Variants in ABCF2 observed in about 807,000 individuals in gnomAD.
The protein encoded by ABCF2 is ATP binding cassette subfamily F member 2.
In ABCF2, 37 loss-of-function variants were observed where a neutral mutation model predicts 76.9. The ratio of observed to expected loss-of-function variants is 0.48; its 90% CI spans 0.37 to 0.63. The LOEUF (loss-of-function observed/expected upper bound fraction) is 0.63. Among genes scored for constraint, ABCF2 ranks in the 30% least tolerant of loss-of-function variants. The pLI is 0.00. For synonymous variants in ABCF2, 299 were observed against 283.7 expected (o/e 1.05, Z -0.54); for missense variants, 524 against 782.1 (o/e 0.67, Z 3.94).
rs1430812925 is a variant in ABCF2, at chr7:151,218,175, T to C, written c.1244A>G (p.Asn415Ser). ...YTKDGPCIYN[N>S]LEFGIDLDTR... ...GTCAAGGTCAATTCCAAATTCTAGA[T>C]TATTGTAGATGCAAGGCTGAGGTGG... Residue 415 changes from asparagine (N) to serine (S), a missense_variant, in exon 11 of 15, where the codon AAT becomes AGT. Around this residue, in one of 2 missense-constraint regions of ABCF2, gnomAD observed 194 missense variants for 348.6 expected, o/e 0.56. Transcript: ENST00000287844. 2 of 1,612,808 alleles carry C rather than the reference T, an allele frequency of 1.2e-6. No individual in the cohort carries two copies. Among genetic ancestry groups the C allele is most frequent in the Admixed American group, 1.7e-5 (1 of 59,998 alleles).
chr7:151,224,266 C>T, intron 3 of ABCF2, 152 bp from the exon 4 acceptor site: 1 of 781,118 alleles, frequency 1.3e-6, no homozygotes. Flanking sequence ...TTGCCAGCCC[C>T]CATTCTTGGG....
At chr7:151,217,750 A>AT (rs1802179871) in intron 11 of ABCF2, among the ~76,000 whole-genome samples, 1 of 150,960 alleles carries the variant, frequency 6.6e-6, no homozygotes, top group Non-Finnish European at 1.5e-5. Flanking sequence ...CTGAGATCGC[A>AT]CATTGCACTC....
intron 5 of ABCF2, 48 bp from the exon 6 acceptor site, chr7:151,222,664 G>A: frequency 2.0e-6 from 3 of 1,520,064 alleles, no homozygotes; most frequent in South Asian, 1.1e-5. Context: ...TATAATGGAT[G>A]TGACACAGGA....
chr7:151,221,965 G>C (rs1364679361), intron 6 of ABCF2: 1 of 354,066 alleles, frequency 2.8e-6, no homozygotes, highest in Non-Finnish European at 5.3e-6. Context: ...CCAGAAGTGT[G>C]TATGTACACA....
Position 151,213,495 on chromosome 7 carries a change from G to A in ABCF2, c.*559C>T. 1.0e-6 allele frequency: 1 copy of A among 985,862 alleles called. No individual in the cohort carries two copies. The highest frequency in any genetic ancestry group is 1.2e-6 in the Non-Finnish European group (1 of 830,270). The allele number at this position is 985,862 out of a possible 1,614,324, so 61.1% of individuals were successfully genotyped here. ...GGAGAAGGCCCCAGAGACCCGAGAA[G>A]GAAGGTAGGGACCGTGGCTTCCTCT... On this transcript the variant is annotated 3_prime_UTR_variant, in exon 15 of 15. Coordinates refer to ENST00000287844, the MANE Select transcript of ABCF2 (RefSeq NM_007189.3).
At position 151,215,821 on chromosome 7, in the gene ABCF2, C is replaced by A. The variant is rs1306763316; in HGVS notation, c.1402-89G>T. On this transcript the variant is annotated intron_variant, in intron 12 of 14. Coordinates refer to ENST00000287844, the MANE Select transcript of ABCF2 (RefSeq NM_007189.3). The surrounding 1 kb of genome is among the most constrained non-coding windows in gnomAD (Gnocchi z 4.6). ...GGTAACTTCCTATTTCTATCCCAGG[C>A]ACCTGTTCTGGGTTCAAGAAGCAGG... The A allele has an allele frequency of 1.3e-6, 2 of 1,599,178 alleles. No individual in the cohort carries two copies. The highest frequency in any genetic ancestry group is 4.5e-5 in the East Asian group (2 of 44,742).
chr7:151,212,634 G>T lies in ABCF2; in HGVS notation c.*1420C>A. On this transcript the variant is annotated 3_prime_UTR_variant, in exon 15 of 15. Coordinates refer to ENST00000287844, the MANE Select transcript of ABCF2 (RefSeq NM_007189.3). ...CTTATCAGAGCAGCTGGGACCGCAGGCACATGCTACTATGCCCGGTTCATT... is the reference window on the plus strand; with the variant it reads ...CTTATCAGAGCAGCTGGGACCGCAGTCACATGCTACTATGCCCGGTTCATT... The T allele has an allele frequency of 3.7e-6, 1 of 269,696 alleles. No individual in the cohort carries two copies. The highest frequency in any genetic ancestry group is 5.7e-6 in the Non-Finnish European group (1 of 175,646). 16.7% of individuals were successfully genotyped at this position (269,696 alleles called of 1,614,324 possible).
chr7:151,216,086 A>G lies in ABCF2; in HGVS notation c.1339-57T>C. ...AAACAAAGGAAGCCCAGTTAGAAACATAGGCAGAGCAGGCAAACAAACACA... is the reference window on the plus strand; with the variant it reads ...AAACAAAGGAAGCCCAGTTAGAAACGTAGGCAGAGCAGGCAAACAAACACA... On this transcript the variant is annotated intron_variant, in intron 11 of 14. Coordinates refer to ENST00000287844, the MANE Select transcript of ABCF2 (RefSeq NM_007189.3). 2.0e-6 allele frequency: 3 copies of G among 1,491,346 alleles called. No homozygotes were observed. The East Asian group carries it at 6.8e-5, about 34-fold the overall frequency. The allele number at this position is 1,491,346 out of a possible 1,614,324, so 92.4% of individuals were successfully genotyped here. A position where few individuals can be genotyped will look rare whatever the true frequency, so the allele number is the denominator to read the frequency against.
rs879883295 is a variant in ABCF2 at position 151,212,447 on chromosome 7, CT to C, written c.*1606del. 10 of 985,140 alleles carry C rather than the reference CT, an allele frequency of 1.0e-5. No individual in the cohort carries two copies. The Admixed American group carries it at 5.5e-4, about 54-fold the overall frequency. The allele number at this position is 985,140 out of a possible 1,614,324, so 61.0% of individuals were successfully genotyped here. A position where few individuals can be genotyped will look rare whatever the true frequency, so the allele number is the denominator to read the frequency against. On this transcript the variant is annotated 3_prime_UTR_variant, in exon 15 of 15. Transcript: ENST00000287844. ...TGCAAACTCCTGGCCATCTCTGCAC[CT>C]CTCTCATTCTACCAAATGCGATTAA...
intron 7 of ABCF2, among the ~76,000 whole-genome samples, chr7:151,219,940 A>C (rs1192959051): frequency 6.6e-6 from 1 of 152,112 alleles, no homozygotes; most frequent in Non-Finnish European, 1.5e-5. Flanking sequence ...CTCTACTAAA[A>C]ATATAAAAAT....
intron 11 of ABCF2, among the ~76,000 whole-genome samples, chr7:151,217,085 T>G (rs993410893): frequency 6.6e-6 from 1 of 152,248 alleles, no homozygotes; most frequent in African/African-American, 2.4e-5. Flanking sequence ...ATAAACTTTA[T>G]GAATTTTTCT....
chr7:151,222,343 A>G (rs1802285920), intron 6 of ABCF2, among the ~76,000 whole-genome samples, 178 bp downstream of exon 6: 1 of 152,218 alleles, frequency 6.6e-6, no homozygotes, highest in Admixed American at 6.5e-5. Context: ...AACAATCAAA[A>G]TAAAAGGCCA....
intron 11 of ABCF2, among the ~76,000 whole-genome samples, chr7:151,216,765 C>T (rs1450879193): frequency 1.3e-5 from 2 of 152,174 alleles, no homozygotes; most frequent in African/African-American, 2.4e-5. Context: ...CTGCCTGCCT[C>T]GGCCTCCCAA....
In ABCF2 at chr7:151,218,763, C is replaced by T; in HGVS notation, c.1128G>A (p.Val376=). The T allele has an allele frequency of 6.2e-7, 1 of 1,613,838 alleles. No individual in the cohort carries two copies. The highest frequency in any genetic ancestry group is 8.5e-7 in the Non-Finnish European group (1 of 1,180,008). ...MMASGLTERV[V]SDKTLSFYFP... is the part of the protein sequence containing the mutation. ...CCCAATCACACCCCACCTTATCGCTCACGACCCTCTCTGTCAGTCCTGATG... is the reference window on the plus strand; with the variant it reads ...CCCAATCACACCCCACCTTATCGCTTACGACCCTCTCTGTCAGTCCTGATG... Residue 376 remains valine (V), a synonymous_variant, in exon 9 of 15, where the codon GTG becomes GTA. Coordinates refer to ENST00000287844, the MANE Select transcript of ABCF2 (RefSeq NM_007189.3).
chr7:151,223,860 T>C lies in ABCF2; in HGVS notation c.551-11A>G, dbSNP rs1802322102. The C allele has an allele frequency of 6.2e-7, 1 of 1,608,350 alleles. No homozygotes were observed. Among genetic ancestry groups the C allele is most frequent in the Non-Finnish European group, 8.5e-7 (1 of 1,176,026 alleles). On this transcript the variant is annotated splice_polypyrimidine_tract_variant and intron_variant, in intron 4 of 14. Coordinates refer to ENST00000287844, the MANE Select transcript of ABCF2 (RefSeq NM_007189.3). ...GCTTCTCACACTCCGCTGTGGACAGTGTATGGCCATGAGGCTCCTGGGGGC... is the reference window on the plus strand; with the variant it reads ...GCTTCTCACACTCCGCTGTGGACAGCGTATGGCCATGAGGCTCCTGGGGGC...
At chr7:151,226,609 G>T in intron 1 of ABCF2, 109 bp from the exon 2 acceptor site, 2 of 800,122 alleles carry the variant, frequency 2.5e-6, no homozygotes, top group African/African-American at 1.8e-5. Context: ...AGCCTCTGAT[G>T]CCCTGGCCTG....
At chr7:151,216,112 T>C in intron 11 of ABCF2, 83 bp from the exon 12 acceptor site, 1 of 1,181,820 alleles carries the variant, frequency 8.5e-7, no homozygotes, top group Non-Finnish European at 1.3e-6. Context: ...AACAAACACA[T>C]GTTCACACTG....
chr7:151,222,520 C>T lies in ABCF2; in HGVS notation c.818+1G>A, dbSNP rs1450672718. The T allele has an allele frequency of 1.9e-6, 3 of 1,612,922 alleles. No homozygotes were observed. Among genetic ancestry groups the T allele is most frequent in the South Asian group, 1.1e-5 (1 of 90,964 alleles). ...TCACATCCCCCATTCCACCCTCTTA[C>T]GTTTTTAGTTCTTCTTCCAACCACA... On this transcript the variant is annotated splice_donor_variant, in intron 6 of 14. Transcript: ENST00000287844. LOFTEE classifies it high-confidence loss of function.
At chr7:151,222,351 C>T (rs1016063409) in intron 6 of ABCF2, among the ~76,000 whole-genome samples, 170 bp downstream of exon 6, 3 of 151,974 alleles carry the variant, frequency 2.0e-5, no homozygotes, top group Non-Finnish European at 4.4e-5. Flanking sequence ...AAATAAAAGG[C>T]CAGCCTTCAA....
Sources: gnomAD v4.1 joint callset for allele counts (sites outside exome capture counted in the v4.1 genomes callset) on GRCh38, gnomAD v4.1.1 for gene constraint, gnomAD v4.1.1 regional missense constraint, Gnocchi (gnomAD v3.1) non-coding constraint, MANE v1.5 for transcripts, NCBI Gene and HGNC (gene_info 2026-07-23, HGNC 2026-07-21) for gene names.